SLC4A4: variants seen among roughly 807,000 people sequenced by gnomAD.
SLC4A4 encodes electrogenic sodium bicarbonate cotransporter 1.
In SLC4A4, 27 loss-of-function variants were observed where a neutral mutation model predicts 111.5. That is an observed-to-expected ratio of 0.24 (90% CI 0.18 to 0.33). The LOEUF is 0.33. Among genes scored for constraint, SLC4A4 ranks in the 10% least tolerant of loss-of-function variants. The pLI is 1.00. For synonymous variants in SLC4A4, 443 were observed against 463.4 expected, an observed-to-expected ratio of 0.96 and a Z score of 0.57; for missense variants, 909 against 1,315.5, an observed-to-expected ratio of 0.69 and a Z score of 4.78.
chr4:71,143,211 T>A (rs113938636), intron 2 of SLC4A4, among the ~76,000 whole-genome samples: 1,889 of 152,240 alleles, frequency 0.012, 47 homozygotes, highest in African/African-American at 0.043. Context: ...TGGTTTTTTG[T>A]CCTTGTGATA....
intron 3 of SLC4A4, among the ~76,000 whole-genome samples, chr4:71,323,196 T>A (rs1727252532): frequency 6.6e-6 from 1 of 152,024 alleles, no homozygotes; most frequent in Non-Finnish European, 1.5e-5. Context: ...TTAATGCTAA[T>A]TTTAGAAAAT....
intron 14 of SLC4A4, among the ~76,000 whole-genome samples, chr4:71,475,599 A>G (rs926227196): frequency 2.0e-5 from 3 of 151,872 alleles, no homozygotes; most frequent in African/African-American, 4.8e-5. Context: ...GTTGGTACCA[A>G]TAAAGTACTG....
chr4:71,120,095 T>C (rs1472698265), intron 2 of SLC4A4, among the ~76,000 whole-genome samples: 1 of 152,204 alleles, frequency 6.6e-6, no homozygotes, highest in Non-Finnish European at 1.5e-5. Flanking sequence ...TGAACTCGGT[T>C]CTTATGCTTG....
chr4:71,391,347 G>A (rs1170497028), intron 6 of SLC4A4, among the ~76,000 whole-genome samples: 5 of 152,032 alleles, frequency 3.3e-5, no homozygotes, highest in Non-Finnish European at 7.4e-5. Context: ...CATTATGGAG[G>A]TATGAGGTGA....
chr4:71,426,544 G>T (rs1723158836), intron 7 of SLC4A4, among the ~76,000 whole-genome samples: 1 of 152,086 alleles, frequency 6.6e-6, no homozygotes, highest in Admixed American at 6.6e-5. Context: ...TAACCATCAT[G>T]CTCTCAGATT....
intron 3 of SLC4A4, among the ~76,000 whole-genome samples, chr4:71,285,418 T>TGCCTGTA (rs1422267286): frequency 1.3e-5 from 2 of 152,090 alleles, no homozygotes; most frequent in Non-Finnish European, 2.9e-5. Flanking sequence ...GAGGGCAAAT[T>TGCCTGTA]GCCTGTATTG....
intron 2 of SLC4A4, among the ~76,000 whole-genome samples, chr4:71,127,542 G>A (rs1743592252): frequency 1.3e-5 from 2 of 152,084 alleles, no homozygotes; most frequent in Admixed American, 6.6e-5. Context: ...TTGTCACCAA[G>A]TGTTATATAA....
intron 16 of SLC4A4, among the ~76,000 whole-genome samples, chr4:71,501,997 T>C (rs781739292): frequency 6.6e-6 from 1 of 152,146 alleles, no homozygotes; most frequent in Non-Finnish European, 1.5e-5. Context: ...AGTCTTGCTC[T>C]GTTGCCCAGG....
chr4:71,509,164 C>T (rs1030250978), intron 16 of SLC4A4, among the ~76,000 whole-genome samples: 1 of 152,206 alleles, frequency 6.6e-6, no homozygotes, highest in African/African-American at 2.4e-5. Flanking sequence ...TGGGCAAAGG[C>T]TGTAAGCATT....
At chr4:71,419,274 T>C (rs1234397461) in intron 7 of SLC4A4, among the ~76,000 whole-genome samples, 2 of 152,208 alleles carry the variant, frequency 1.3e-5, no homozygotes, top group African/African-American at 4.8e-5. Context: ...TGTCCTTTTG[T>C]TTGTCTGTGC....
intron 5 of SLC4A4, among the ~76,000 whole-genome samples, 198 bp downstream of exon 5, chr4:71,350,270 A>G (rs529869472): frequency 1.3e-5 from 2 of 152,172 alleles, no homozygotes; most frequent in East Asian, 1.9e-4. Context: ...ATAGAAAACT[A>G]TCTTCCATAA....
intron 3 of SLC4A4, among the ~76,000 whole-genome samples, chr4:71,317,559 T>C (rs866226259): frequency 6.6e-5 from 10 of 152,194 alleles, no homozygotes; most frequent in Middle Eastern, 3.4e-3. Flanking sequence ...CCTTGGATAT[T>C]TTAAAAAGAA....
intron 1 of SLC4A4, among the ~76,000 whole-genome samples, chr4:71,089,935 G>A (rs560143486): frequency 0.27 from 17,726 of 65,190 alleles, 4,149 homozygotes; most frequent in East Asian, 0.47. Flanking sequence ...TCAGAAAAGG[G>A]CATTTAAGTC....
chr4:71,071,540 A>C (rs554194337), intron 1 of SLC4A4, among the ~76,000 whole-genome samples: 1 of 152,318 alleles, frequency 6.6e-6, no homozygotes, highest in East Asian at 1.9e-4. Context: ...AATATAATTG[A>C]AAATTAGATT....
chr4:71,132,162 G>T (rs1272832417), intron 2 of SLC4A4, among the ~76,000 whole-genome samples: 2 of 152,088 alleles, frequency 1.3e-5, no homozygotes, highest in Non-Finnish European at 2.9e-5. Flanking sequence ...GTTTAGGATT[G>T]CTTTAAAAAT....
At chr4:71,354,868 G>A (rs947125940) in intron 5 of SLC4A4, among the ~76,000 whole-genome samples, 7 of 152,128 alleles carry the variant, frequency 4.6e-5, no homozygotes, top group African/African-American at 1.4e-4. Context: ...TGAACTTGAT[G>A]CTCCATGAAG....
chr4:71,559,883 C>T (rs1411870801), intron 22 of SLC4A4, among the ~76,000 whole-genome samples: 1 of 151,774 alleles, frequency 6.6e-6, no homozygotes, highest in Non-Finnish European at 1.5e-5. Context: ...AAGTGAGTTT[C>T]AACTAAGACT....
At chr4:71,408,739 A>G (rs768637474) in intron 7 of SLC4A4, among the ~76,000 whole-genome samples, 2 of 152,074 alleles carry the variant, frequency 1.3e-5, no homozygotes, top group Non-Finnish European at 2.9e-5. Flanking sequence ...CTTTATATCC[A>G]TCCTTGAATA....
chr4:71,330,911 G>A (rs1304809406), intron 3 of SLC4A4, among the ~76,000 whole-genome samples: 3 of 152,140 alleles, frequency 2.0e-5, no homozygotes, highest in Non-Finnish European at 4.4e-5. Context: ...CCATCAAAAA[G>A]TGGGCGAAGG....
Sources: allele counts gnomAD v4.1 joint callset (sites outside exome capture counted in the v4.1 genomes callset), GRCh38; gene constraint gnomAD v4.1.1; transcripts MANE v1.5; gene names NCBI Gene and HGNC (gene_info 2026-07-23, HGNC 2026-07-21).